PRPSAP2: variants seen among roughly 807,000 people sequenced by gnomAD.
PRPSAP2 encodes phosphoribosyl pyrophosphate synthase-associated protein 2.
PRPSAP2 carries 24 observed loss-of-function variants against 40.6 expected under a neutral mutation model. That is an observed-to-expected ratio of 0.59 (90% confidence interval 0.43 to 0.83). The LOEUF is 0.83. Among genes scored for constraint, PRPSAP2 ranks in the 40% least tolerant of loss-of-function variants. The pLI is 0.00. For synonymous variants in PRPSAP2, 149 were observed against 164.7 expected, an observed-to-expected ratio of 0.90 and a Z score of 0.73; for missense variants, 292 against 465.6, an observed-to-expected ratio of 0.63 and a Z score of 3.43.
intron 8 of PRPSAP2, among the ~76,000 whole-genome samples, chr17:18,890,546 G>T (rs1318097143): frequency 6.6e-6 from 1 of 151,794 alleles, no homozygotes; most frequent in East Asian, 1.9e-4. Context: ...AGGCTCAAAC[G>T]ATCCACCCAC....
At chr17:18,902,315 G>A (rs2040316857) in intron 8 of PRPSAP2, among the ~76,000 whole-genome samples, 1 of 152,132 alleles carries the variant, frequency 6.6e-6, no homozygotes, top group South Asian at 2.1e-4. Flanking sequence ...CTATTTTGCT[G>A]GGGCTGATGA....
chr17:18,873,449 A>T (rs540159811), intron 5 of PRPSAP2, among the ~76,000 whole-genome samples: 2 of 151,544 alleles, frequency 1.3e-5, no homozygotes, highest in African/African-American at 4.9e-5. Context: ...CAGGTGATCC[A>T]CCTGCCTCAG....
chr17:18,871,999 G>A (rs924671031), intron 4 of PRPSAP2, among the ~76,000 whole-genome samples: 24 of 152,054 alleles, frequency 1.6e-4, no homozygotes, highest in Admixed American at 9.2e-4. Flanking sequence ...GGCTGGGCAC[G>A]GTAGCTCACA....
At chr17:18,882,785 T>A in intron 7 of PRPSAP2, 102 bp downstream of exon 7, 2 of 759,546 alleles carry the variant, frequency 2.6e-6, no homozygotes, top group Non-Finnish European at 2.2e-6. Context: ...CTTGATGTAT[T>A]GTACTTAAAG....
chr17:18,864,034 A>C (rs2037250186), intron 1 of PRPSAP2, among the ~76,000 whole-genome samples: 1 of 149,904 alleles, frequency 6.7e-6, no homozygotes, highest in African/African-American at 2.5e-5. Flanking sequence ...TTGTATTTTT[A>C]GTAGAGATGG....
At chr17:18,925,536 T>C (rs771018621) in intron 10 of PRPSAP2, among the ~76,000 whole-genome samples, 6 of 152,268 alleles carry the variant, frequency 3.9e-5, no homozygotes, top group Non-Finnish European at 8.8e-5. Flanking sequence ...TCATTCTTTT[T>C]CACTGCTATG....
Position 18,877,731 on chromosome 17 carries a change from C to T in PRPSAP2, c.273C>T (p.Ile91=). 1 of 1,610,548 alleles carries T rather than the reference C, an allele frequency of 6.2e-7. No individual in the cohort carries two copies. The highest frequency in any genetic ancestry group is 1.3e-5 in the African/African-American group (1 of 74,798). ...ACACCACCATCATGGAGCTCCTGAT[C>T]ATGGTGTATGCATGTAAGACCTCTT... ...DVNTTIMELL[I]MVYACKTSCA... Residue 91 remains isoleucine (I), a synonymous_variant, in exon 6 of 12, where the codon ATC becomes ATT. Transcript: ENST00000268835.
At chr17:18,863,620 C>A (rs2037208293) in intron 1 of PRPSAP2, among the ~76,000 whole-genome samples, 1 of 152,038 alleles carries the variant, frequency 6.6e-6, no homozygotes, top group African/African-American at 2.4e-5. Flanking sequence ...GCAAGCTCTG[C>A]CTCCTGGGTT....
At chr17:18,879,283 T>G (rs2038539781) in intron 6 of PRPSAP2, among the ~76,000 whole-genome samples, 1 of 147,760 alleles carries the variant, frequency 6.8e-6, no homozygotes. Context: ...AGAATAAACC[T>G]TTTTTTTTGT....
chr17:18,871,790 A>T (rs926707195), intron 4 of PRPSAP2, among the ~76,000 whole-genome samples: 2 of 151,538 alleles, frequency 1.3e-5, no homozygotes, highest in Non-Finnish European at 2.9e-5. Context: ...CCTCCCGAGT[A>T]GCTAGGATTA....
chr17:18,868,198 G>T (rs1233961048), intron 4 of PRPSAP2, among the ~76,000 whole-genome samples: 1 of 152,100 alleles, frequency 6.6e-6, no homozygotes, highest in African/African-American at 2.4e-5. Context: ...TTTAGGCCAG[G>T]CGTGGTGGCT....
intron 9 of PRPSAP2, among the ~76,000 whole-genome samples, chr17:18,919,477 C>T (rs1240820957): frequency 2.0e-5 from 3 of 151,624 alleles, no homozygotes; most frequent in African/African-American, 7.3e-5. Flanking sequence ...CACTGCACTC[C>T]AGCCTGGGCA....
chr17:18,867,707 C>G (rs2037532583), intron 4 of PRPSAP2, among the ~76,000 whole-genome samples: 1 of 152,124 alleles, frequency 6.6e-6, no homozygotes, highest in Non-Finnish European at 1.5e-5. Context: ...TCCTGTGTGA[C>G]CGCAGTTTTA....
chr17:18,857,151 T>C (rs2036635298), upstream of PRPSAP2, among the ~76,000 whole-genome samples: 1 of 151,954 alleles, frequency 6.6e-6, no homozygotes, highest in East Asian at 1.9e-4. Context: ...CTGGCCAACA[T>C]GGTGAAACCC....
At chr17:18,897,450 GTGGTGT>G (rs1555555735) in intron 8 of PRPSAP2, among the ~76,000 whole-genome samples, 1 of 133,024 alleles carries the variant, frequency 7.5e-6, no homozygotes, top group Non-Finnish European at 1.7e-5. Context: ...CTTCTCTATA[GTGGTGT>G]TGTTGTTGTT....
intron 1 of PRPSAP2, among the ~76,000 whole-genome samples, chr17:18,860,297 C>A (rs957798575): frequency 6.6e-6 from 1 of 152,080 alleles, no homozygotes; most frequent in African/African-American, 2.4e-5. Flanking sequence ...CTCAGGTGAT[C>A]CGTCCACCTT....
At chr17:18,861,833 T>C (rs2037043002) in intron 1 of PRPSAP2, among the ~76,000 whole-genome samples, 1 of 152,134 alleles carries the variant, frequency 6.6e-6, no homozygotes, top group Admixed American at 6.6e-5. Context: ...CTAAGGAGAG[T>C]ACAAGAACCA....
chr17:18,903,761 G>T (rs1044756056), intron 8 of PRPSAP2, among the ~76,000 whole-genome samples: 2 of 151,932 alleles, frequency 1.3e-5, no homozygotes, highest in Non-Finnish European at 2.9e-5. Context: ...AAAAGGTATT[G>T]TGAGCAAGAG....
At chr17:18,872,458 T>C (rs1290777590) in intron 4 of PRPSAP2, 125 bp from the exon 5 acceptor site, 2 of 703,890 alleles carry the variant, frequency 2.8e-6, no homozygotes, top group African/African-American at 1.8e-5. Flanking sequence ...TAAAGCCTAC[T>C]GAGTCTTATA....
Sources: gnomAD v4.1 joint callset for allele counts (sites outside exome capture counted in the v4.1 genomes callset) on GRCh38, gnomAD v4.1.1 for gene constraint, MANE v1.5 for transcripts, NCBI Gene and HGNC (gene_info 2026-07-23, HGNC 2026-07-21) for gene names.